STAG2: variants seen among roughly 807,000 people sequenced by gnomAD.
STAG2 encodes STAG2 cohesin complex component, also known as cohesin subunit SA-2.
Under a neutral mutation model 108.1 loss-of-function variants are expected in STAG2, and 14 were observed. The ratio of observed to expected loss-of-function variants is 0.13; its 90% CI spans 0.09 to 0.20. The LOEUF (loss-of-function observed/expected upper bound fraction) is 0.20, where lower values mean the gene tolerates loss of function less well. Ranked by LOEUF, STAG2 falls within the 10% of genes least tolerant of loss-of-function variation. STAG2 has a pLI of 1.00. For missense variants in STAG2, 440 were observed against 940.9 expected (o/e 0.47, Z 6.96); for synonymous variants, 307 against 302.7 (o/e 1.01, Z -0.15).
At position 123,968,780 on chromosome X, in the gene STAG2, C is replaced by G. The variant is rs753616201; in HGVS notation, c.-163+6924C>G. Among the ~76,000 whole-genome samples, 9 of 112,528 alleles carry G rather than the reference C, an allele frequency of 8.0e-5. No homozygotes were observed. The South Asian group carries it at 2.9e-3, about 36-fold the overall frequency. On this transcript the variant is annotated intron_variant, in intron 1 of 34. Coordinates refer to ENST00000371145, the MANE Select transcript of STAG2 (RefSeq NM_001042750.2). ...CATTCTAAGAAACTTAATTTAACTG[C>G]TATTTAAGTTCCTACTGAATGCCAG...
intron 1 of STAG2, among the ~76,000 whole-genome samples, chrX:123,998,805 C>G: frequency 1.8e-5 from 2 of 111,571 alleles, no homozygotes; most frequent in Middle Eastern, 9.2e-3. Flanking sequence ...TAGAAAAAAT[C>G]TACAGATAAC....
At chrX:124,020,376 A>G (rs1199450461) in intron 1 of STAG2, among the ~76,000 whole-genome samples, 3 of 112,018 alleles carry the variant, frequency 2.7e-5, no homozygotes, top group Non-Finnish European at 5.6e-5. Context: ...TTTTATTTTC[A>G]TCTTGCCGTC....
chrX:123,994,528 A>T (rs1294445158), intron 1 of STAG2, among the ~76,000 whole-genome samples: 1 of 112,044 alleles, frequency 8.9e-6, no homozygotes, highest in Non-Finnish European at 1.9e-5. Flanking sequence ...TTTGCTAAAG[A>T]TCGTTTTGTG....
At chrX:123,966,651 T>C (rs1198914063) in intron 1 of STAG2, among the ~76,000 whole-genome samples, 1 of 111,058 alleles carries the variant, frequency 9.0e-6, no homozygotes, top group African/African-American at 3.3e-5. Flanking sequence ...GTCTCTTGAG[T>C]TGACTGCTTT....
At chrX:124,050,743 T>TA (rs2058014013) in intron 11 of STAG2, among the ~76,000 whole-genome samples, 1 of 112,115 alleles carries the variant, frequency 8.9e-6, no homozygotes, top group Non-Finnish European at 1.9e-5. Flanking sequence ...TTCATTAAAC[T>TA]ACCATTCTCT....
rs2148357622 is a variant in STAG2 at position 124,068,611 on chromosome X, A to G, written c.2313A>G (p.Ile771Met). The change falls in exon 24 of 35, where the codon ATA becomes ATG. Residue 771 changes from isoleucine to methionine, a missense_variant. By Grantham distance (10) the Ile-to-Met change is conservative (BLOSUM62 1). Around this residue, in one of 3 missense-constraint regions of STAG2, gnomAD observed 337 missense variants for 649.3 expected, o/e 0.52. Transcript: ENST00000371145. ...AACAAATGAGAGTATTTTGTCAGATATGTCAACATTACCTGACCAACGTGA... is the reference window on the plus strand; with the variant it reads ...AACAAATGAGAGTATTTTGTCAGATGTGTCAACATTACCTGACCAACGTGA... ...LKKQMRVFCQ[I>M]CQHYLTNVNT... is the part of the protein sequence containing the mutation. 1 of 1,196,579 alleles carries G rather than the reference A, an allele frequency of 8.4e-7. No homozygotes were observed. The highest frequency in any genetic ancestry group is 2.4e-5 in the Admixed American group (1 of 42,311).
intron 34 of STAG2, chrX:124,097,738 A>C: frequency 3.1e-6 from 1 of 327,034 alleles, no homozygotes; most frequent in Admixed American, 3.0e-5. Context: ...GACTGAAGAG[A>C]TCATTTAGTG....
At chrX:123,960,590 C>T (rs1262114194), upstream of STAG2, 1 of 77,428 alleles carries the variant, frequency 1.3e-5, no homozygotes, top group African/African-American at 5.5e-5. Flanking sequence ...CCAAACAATC[C>T]CGAAGCGCCA....
At chrX:123,977,697 G>A (rs1156320728) in intron 1 of STAG2, among the ~76,000 whole-genome samples, 2 of 110,517 alleles carry the variant, frequency 1.8e-5, no homozygotes, top group African/African-American at 3.3e-5. Flanking sequence ...AGCCTGTGAG[G>A]TGTTGATGCT....
At chrX:124,018,287 A>G (rs925641588) in intron 1 of STAG2, among the ~76,000 whole-genome samples, 1 of 112,392 alleles carries the variant, frequency 8.9e-6, no homozygotes, top group Non-Finnish European at 1.9e-5. Context: ...AACCCGCAAT[A>G]GTGCAGAAAT....
At chrX:124,017,794 C>T (rs945710601) in intron 1 of STAG2, among the ~76,000 whole-genome samples, 1 of 111,446 alleles carries the variant, frequency 9.0e-6, no homozygotes, top group African/African-American at 3.3e-5. Context: ...TAAATATATA[C>T]TAATTATGGA....
chrX:124,059,835 T>G (rs899553905), intron 15 of STAG2, among the ~76,000 whole-genome samples: 2 of 109,659 alleles, frequency 1.8e-5, no homozygotes, highest in African/African-American at 6.7e-5. Flanking sequence ...TAGTTTATTT[T>G]AGAATTTTGT....
intron 13 of STAG2, among the ~76,000 whole-genome samples, chrX:124,054,564 C>G (rs1160474965): frequency 1.8e-5 from 2 of 112,005 alleles, no homozygotes; most frequent in Non-Finnish European, 3.8e-5. Flanking sequence ...TCTATAGCTT[C>G]TTTCCCACCA....
intron 1 of STAG2, among the ~76,000 whole-genome samples, chrX:124,009,423 GTAGGTAGGTAGGTAGGTAGGTAGA>G (rs1479787668): frequency 6.3e-5 from 5 of 79,547 alleles, no homozygotes; most frequent in Non-Finnish European, 1.3e-4. Flanking sequence ...AGGTAGGTAG[GTAGGTAGGTAGGTAGGTAGGTAGA>G]TAGATAGATA....
chrX:123,986,062 T>G (rs1360577921), intron 1 of STAG2, among the ~76,000 whole-genome samples: 4 of 105,998 alleles, frequency 3.8e-5, no homozygotes, highest in Non-Finnish European at 7.7e-5. Flanking sequence ...ATCATATATA[T>G]GTGTCATATA....
chrX:124,095,599 G>T (rs757386327), intron 34 of STAG2, 150 bp downstream of exon 34: 527 of 462,380 alleles, frequency 1.1e-3, no homozygotes, highest in Non-Finnish European at 1.7e-3. Flanking sequence ...GATTTCAGTG[G>T]GAGGGGAAGA....
At chrX:124,001,405 A>C (rs1004027784) in intron 1 of STAG2, among the ~76,000 whole-genome samples, 2 of 111,502 alleles carry the variant, frequency 1.8e-5, no homozygotes, top group African/African-American at 6.5e-5. Flanking sequence ...ATTTAAAAAA[A>C]TACATTCAGT....
At chrX:124,053,869 T>G (rs2058113496) in intron 13 of STAG2, among the ~76,000 whole-genome samples, 1 of 112,266 alleles carries the variant, frequency 8.9e-6, no homozygotes, top group Non-Finnish European at 1.9e-5. Flanking sequence ...GCAAATCAAT[T>G]AAAGAAATCT....
chrX:124,091,315 A>G (rs953780314), intron 32 of STAG2, among the ~76,000 whole-genome samples: 2 of 111,115 alleles, frequency 1.8e-5, no homozygotes, highest in Non-Finnish European at 3.8e-5. Flanking sequence ...TTAGCTTTCT[A>G]ACTGGTTTTC....
Sources: allele counts gnomAD v4.1 joint callset (sites outside exome capture counted in the v4.1 genomes callset), GRCh38; gene constraint gnomAD v4.1.1; regional missense constraint gnomAD v4.1.1; transcripts MANE v1.5; gene names NCBI Gene and HGNC (gene_info 2026-07-23, HGNC 2026-07-21).